Variants in RANBP9 observed in about 807,000 individuals in gnomAD.
The protein encoded by RANBP9 is RAN binding protein 9.
RANBP9 carries 15 observed loss-of-function variants against 84.3 expected under a neutral mutation model. That is an observed-to-expected ratio of 0.18 (90% CI 0.12 to 0.27). The LOEUF (loss-of-function observed/expected upper bound fraction) is 0.27. RANBP9 is among the 10% of genes least tolerant of loss of function. The pLI is 1.00. For missense variants in RANBP9, 809 were observed against 912.8 expected (o/e 0.89, Z 1.46); for synonymous variants, 392 against 349.6 (o/e 1.12, Z -1.35).
intron 12 of RANBP9, among the ~76,000 whole-genome samples, 163 bp downstream of exon 12, chr6:13,632,207 T>G (rs1043819883): frequency 7.8e-6 from 1 of 128,248 alleles, no homozygotes; most frequent in African/African-American, 2.8e-5. Flanking sequence ...CAGAACTGCC[T>G]AACTTCATCA....
At chr6:13,643,813 A>G (rs1027802332) in intron 6 of RANBP9, among the ~76,000 whole-genome samples, 6 of 152,218 alleles carry the variant, frequency 3.9e-5, no homozygotes, top group Non-Finnish European at 8.8e-5. Flanking sequence ...CTAGTGTCCA[A>G]TCTCTGTAAT....
At chr6:13,710,862 C>G in intron 1 of RANBP9, 73 bp downstream of exon 1, 1 of 1,466,676 alleles carries the variant, frequency 6.8e-7, no homozygotes, top group Non-Finnish European at 9.2e-7. Flanking sequence ...GGGGGCGGGT[C>G]GAGAGCGGCG....
At chr6:13,639,129 C>T (rs569162776) in intron 9 of RANBP9, among the ~76,000 whole-genome samples, 1 of 152,268 alleles carries the variant, frequency 6.6e-6, no homozygotes, top group African/African-American at 2.4e-5. Context: ...TACAATTTTT[C>T]ACCCAGAAAA....
Position 13,711,278 on chromosome 6 carries a change from G to GGGCGGC in RANBP9, c.222_227dup (p.Pro76_Pro77dup). ...GGGGCGGCGGGGCCGCGGTGGCCGGGGGCGGCGGCGGCGGAGGGTGGAGGA... is the reference window on the plus strand; with the variant it reads ...GGGGCGGCGGGGCCGCGGTGGCCGGGGGCGGCGGCGGCGGCGGCGGAGGGTGGAGGA... On this transcript the variant is annotated inframe_insertion, in exon 1 of 14. Coordinates refer to ENST00000011619, the MANE Select transcript of RANBP9 (RefSeq NM_005493.3). 5 of 992,282 alleles carry GGGCGGC rather than the reference G, an allele frequency of 5.0e-6. No homozygotes were observed. The highest frequency in any genetic ancestry group is 6.0e-6 in the Non-Finnish European group (5 of 835,566). 61.5% of individuals were successfully genotyped at this position (992,282 alleles called of 1,614,324 possible).
At chr6:13,688,561 T>C (rs573543633) in intron 2 of RANBP9, among the ~76,000 whole-genome samples, 1 of 152,232 alleles carries the variant, frequency 6.6e-6, no homozygotes, top group African/African-American at 2.4e-5. Context: ...AGGTACCCTT[T>C]CTCAGCCATG....
At chr6:13,622,721 T>G (rs1161602943) in intron 13 of RANBP9, among the ~76,000 whole-genome samples, 1 of 152,188 alleles carries the variant, frequency 6.6e-6, no homozygotes, top group Non-Finnish European at 1.5e-5. Flanking sequence ...TCTGGCAGAA[T>G]CAGACTTTTA....
In RANBP9 at chr6:13,693,332, T is replaced by C. The variant is rs144595230; in HGVS notation, c.683+3453A>G. ...TCAACATAATTAGTCATTAGGGAAATATAAATTAAAACCACAGCAAGAAAT... is the reference window on the plus strand; with the variant it reads ...TCAACATAATTAGTCATTAGGGAAACATAAATTAAAACCACAGCAAGAAAT... On this transcript the variant is annotated intron_variant, in intron 2 of 13. Transcript: ENST00000011619. Among the ~76,000 whole-genome samples, 406 of 152,162 alleles carry C rather than the reference T, an allele frequency of 2.7e-3. 2 individuals are homozygous for C. Among genetic ancestry groups the C allele is most frequent in the African/African-American group, 9.5e-3 (395 of 41,508 alleles).
chr6:13,692,670 G>A (rs942542194), intron 2 of RANBP9, among the ~76,000 whole-genome samples: 2 of 151,440 alleles, frequency 1.3e-5, no homozygotes, highest in African/African-American at 2.4e-5. Context: ...TGGGCAACAG[G>A]GTGAAACCCC....
chr6:13,651,332 C>T (rs1015678602), intron 5 of RANBP9, among the ~76,000 whole-genome samples: 2 of 152,004 alleles, frequency 1.3e-5, no homozygotes, highest in Non-Finnish European at 2.9e-5. Context: ...CAATAGTCTT[C>T]TCACAGGTCC....
chr6:13,629,771 A>C (rs1764722216), intron 12 of RANBP9, among the ~76,000 whole-genome samples: 1 of 152,206 alleles, frequency 6.6e-6, no homozygotes, highest in Non-Finnish European at 1.5e-5. Context: ...ATAAGGAACA[A>C]AGACAACAGG....
At chr6:13,697,212 A>C (rs1757854726) in intron 1 of RANBP9, among the ~76,000 whole-genome samples, 1 of 152,216 alleles carries the variant, frequency 6.6e-6, no homozygotes, top group Non-Finnish European at 1.5e-5. Context: ...TAAGAGGAAA[A>C]AGGCTGTATG....
At chr6:13,709,860 T>C (rs1758229507) in intron 1 of RANBP9, among the ~76,000 whole-genome samples, 1 of 152,228 alleles carries the variant, frequency 6.6e-6, no homozygotes. Flanking sequence ...TCTACATACA[T>C]GTCACTAGGA....
At chr6:13,625,542 T>C (rs1764578415) in intron 13 of RANBP9, 111 bp downstream of exon 13, 7 of 637,914 alleles carry the variant, frequency 1.1e-5, no homozygotes, top group East Asian at 5.4e-5. Flanking sequence ...TTTAAAAATA[T>C]AGAAAACATT....
intron 1 of RANBP9, among the ~76,000 whole-genome samples, chr6:13,707,404 A>T (rs1255636281): frequency 6.6e-6 from 1 of 152,210 alleles, no homozygotes; most frequent in Non-Finnish European, 1.5e-5. Flanking sequence ...AGTAAAATCA[A>T]GGTGTCTGGA....
intron 12 of RANBP9, among the ~76,000 whole-genome samples, chr6:13,631,403 A>C (rs537142283): frequency 3.3e-5 from 5 of 152,316 alleles, no homozygotes; most frequent in African/African-American, 1.2e-4. Flanking sequence ...TCAAATGTTA[A>C]AACATTACTA....
chr6:13,709,916 A>ATT (rs1174755915), intron 1 of RANBP9, among the ~76,000 whole-genome samples: 1 of 152,236 alleles, frequency 6.6e-6, no homozygotes, highest in African/African-American at 2.4e-5. Context: ...GCTGCCGTGA[A>ATT]TGTAAAAGCT....
intron 10 of RANBP9, among the ~76,000 whole-genome samples, chr6:13,635,812 T>C (rs1764923491): frequency 6.6e-6 from 1 of 150,718 alleles, no homozygotes; most frequent in Non-Finnish European, 1.5e-5. Flanking sequence ...TACTAAACTT[T>C]TTTTTTTTTT....
intron 2 of RANBP9, among the ~76,000 whole-genome samples, chr6:13,671,592 G>C (rs1765779921): frequency 6.6e-6 from 1 of 152,074 alleles, no homozygotes; most frequent in South Asian, 2.1e-4. Context: ...TCCAGAATAA[G>C]TAAATCCATA....
chr6:13,710,817 G>A, intron 1 of RANBP9, 118 bp downstream of exon 1: 1 of 1,108,802 alleles, frequency 9.0e-7, no homozygotes. Flanking sequence ...GGCGGCGAGT[G>A]GCCTCCGAGG....
Sources: allele counts gnomAD v4.1 joint callset (sites outside exome capture counted in the v4.1 genomes callset), GRCh38; gene constraint gnomAD v4.1.1; transcripts MANE v1.5; gene names NCBI Gene and HGNC (gene_info 2026-07-23, HGNC 2026-07-21).